The following DPP6 variants were observed in gnomAD, a reference collection of about 807,000 sequenced individuals.
DPP6 encodes the protein dipeptidyl peptidase like 6.
Under a neutral mutation model 122.6 loss-of-function variants are expected in DPP6, and 69 were observed. The ratio of observed to expected loss-of-function variants is 0.56; its 90% CI spans 0.46 to 0.69. DPP6 has a LOEUF of 0.69. Among genes scored for constraint, DPP6 ranks in the 30% least tolerant of loss-of-function variants. The probability of loss-of-function intolerance (pLI) is 0.00; values close to 1 mark genes in which losing one functional copy is unlikely to be tolerated. For missense variants in DPP6, 928 were observed against 1,116.9 expected (o/e 0.83, Z 2.41); for synonymous variants, 418 against 433.1 (o/e 0.97, Z 0.43).
intron 5 of DPP6, among the ~76,000 whole-genome samples, chr7:154,623,169 G>T (rs1834806780): frequency 6.6e-6 from 1 of 152,188 alleles, no homozygotes; most frequent in Non-Finnish European, 1.5e-5. Context: ...GTAACAGTTT[G>T]CAGAAAAGTC....
At chr7:153,783,934 G>A in the DPP6 span, among the ~76,000 whole-genome samples, 1 of 152,220 alleles carries the variant, frequency 6.6e-6, no homozygotes, top group Admixed American at 6.5e-5. Context: ...ATACTGCATA[G>A]CTACATGTGG....
chr7:154,388,857 A>G (rs1445621740), intron 1 of DPP6, among the ~76,000 whole-genome samples: 1 of 152,224 alleles, frequency 6.6e-6, no homozygotes, highest in Non-Finnish European at 1.5e-5. Context: ...AGTTAGAATC[A>G]TAGGTCTGAG....
intron 5 of DPP6, among the ~76,000 whole-genome samples, chr7:154,584,216 C>T (rs964122857): frequency 3.3e-5 from 5 of 152,236 alleles, no homozygotes; most frequent in Non-Finnish European, 7.3e-5. Context: ...GCTGTCCCAC[C>T]TGCTCCTTCC....
At chr7:153,915,818 A>G (rs903140207) in intron 1 of DPP6, among the ~76,000 whole-genome samples, 1 of 152,208 alleles carries the variant, frequency 6.6e-6, no homozygotes. Context: ...TTCAAGCTAC[A>G]GGCAAAATAA....
At chr7:154,695,139 G>A (rs374458344) in intron 7 of DPP6, among the ~76,000 whole-genome samples, 16 of 152,308 alleles carry the variant, frequency 1.1e-4, no homozygotes, top group Non-Finnish European at 1.8e-4. Context: ...CAGGGCTGGC[G>A]GCAAGGACAC....
chr7:154,054,369 A>G (rs539120752), intron 1 of DPP6, among the ~76,000 whole-genome samples: 79 of 152,170 alleles, frequency 5.2e-4, no homozygotes, highest in African/African-American at 1.9e-3. Context: ...ATTGCCAGAT[A>G]CTATGAAATC....
Position 154,085,258 on chromosome 7 carries a change from C to G in DPP6, c.243+32195C>G, listed in dbSNP as rs113173784. 1.9e-3 allele frequency among the ~76,000 whole-genome samples: 288 copies of G among 152,284 alleles called. 2 individuals carry two copies. Among genetic ancestry groups the G allele is most frequent in the African/African-American group, 6.5e-3 (269 of 41,554 alleles). On this transcript the variant is annotated intron_variant, in intron 1 of 25. Transcript: ENST00000377770. ...TTTCATTTTATCCAATTCTCAACTT[C>G]TTTTCCATCCCAAAGAATATCCCAT...
At chr7:154,368,435 T>C (rs1488640177) in intron 1 of DPP6, among the ~76,000 whole-genome samples, 1 of 152,222 alleles carries the variant, frequency 6.6e-6, no homozygotes, top group Non-Finnish European at 1.5e-5. Context: ...CAGCAATCTA[T>C]GTTTTAACCC....
At chr7:154,060,664 C>T (rs199723278) in intron 1 of DPP6, among the ~76,000 whole-genome samples, 19 of 92,550 alleles carry the variant, frequency 2.1e-4, no homozygotes, top group Non-Finnish European at 3.1e-4. Context: ...ACGAGAGTGG[C>T]GACTGAGAGC....
intron 6 of DPP6, among the ~76,000 whole-genome samples, chr7:154,644,791 C>T (rs1313013526): frequency 6.6e-6 from 1 of 151,112 alleles, no homozygotes; most frequent in Non-Finnish European, 1.5e-5. Flanking sequence ...TCACTTCACC[C>T]TCCACCTCCC....
chr7:154,472,890 A>G (rs950949127), intron 2 of DPP6, among the ~76,000 whole-genome samples: 1 of 152,216 alleles, frequency 6.6e-6, no homozygotes, highest in African/African-American at 2.4e-5. Flanking sequence ...TGTTTTAAAA[A>G]TACCTTTAAA....
chr7:154,302,181 C>T (rs1805955249), intron 1 of DPP6, among the ~76,000 whole-genome samples: 1 of 152,148 alleles, frequency 6.6e-6, no homozygotes, highest in Non-Finnish European at 1.5e-5. Context: ...CAACTCCTCA[C>T]CTCCCGCTCC....
intron 1 of DPP6, among the ~76,000 whole-genome samples, chr7:154,338,880 G>A (rs936171704): frequency 6.6e-5 from 10 of 152,136 alleles, no homozygotes; most frequent in African/African-American, 2.4e-4. Context: ...CATGGCGGCG[G>A]GTGGCATTGC....
intron 1 of DPP6, among the ~76,000 whole-genome samples, chr7:154,296,220 A>G (rs1805535804): frequency 6.6e-6 from 1 of 152,054 alleles, no homozygotes; most frequent in Non-Finnish European, 1.5e-5. Context: ...CTGGGATGAC[A>G]GGCGTGAGCC....
At chr7:154,269,868 A>G (rs1803676482) in intron 1 of DPP6, among the ~76,000 whole-genome samples, 1 of 152,228 alleles carries the variant, frequency 6.6e-6, no homozygotes. Flanking sequence ...GAAAAACAGT[A>G]AAGTATAGCT....
At chr7:154,879,906 G>C (rs1182456858) in intron 20 of DPP6, among the ~76,000 whole-genome samples, 1 of 152,208 alleles carries the variant, frequency 6.6e-6, no homozygotes, top group Non-Finnish European at 1.5e-5. Flanking sequence ...CCGCCACGTG[G>C]AGGGCACAGC....
chr7:154,628,006 G>T (rs1835190546), intron 5 of DPP6, among the ~76,000 whole-genome samples: 1 of 152,184 alleles, frequency 6.6e-6, no homozygotes, highest in Admixed American at 6.5e-5. Flanking sequence ...AGCAGTTAAA[G>T]TTATGTACCC....
intron 1 of DPP6, among the ~76,000 whole-genome samples, chr7:154,322,628 C>T (rs575131660): frequency 7.3e-4 from 111 of 152,186 alleles, no homozygotes; most frequent in Middle Eastern, 6.8e-3. Flanking sequence ...AGAGTAGATT[C>T]CTGAAACCAT....
intron 1 of DPP6, among the ~76,000 whole-genome samples, chr7:154,007,769 C>T (rs1217399713): frequency 6.6e-6 from 1 of 152,060 alleles, no homozygotes; most frequent in Admixed American, 6.6e-5. Context: ...AATTGGTGTC[C>T]ACAGGGGGTT....
Sources: allele counts gnomAD v4.1 joint callset (sites outside exome capture counted in the v4.1 genomes callset), GRCh38; gene constraint gnomAD v4.1.1; transcripts MANE v1.5; gene names NCBI Gene and HGNC (gene_info 2026-07-23, HGNC 2026-07-21).